Variants in MACF1 observed in about 807,000 individuals in gnomAD.
MACF1 encodes microtubule-actin cross-linking factor 1.
In MACF1, 193 loss-of-function variants were observed where a neutral mutation model predicts 854.8. The ratio of observed to expected loss-of-function variants is 0.23; its 90% CI spans 0.20 to 0.25. The LOEUF (loss-of-function observed/expected upper bound fraction) is 0.25, where lower values mean the gene tolerates loss of function less well. Ranked by LOEUF, MACF1 falls within the 10% of genes least tolerant of loss-of-function variation. MACF1 has a pLI of 1.00. For missense variants in MACF1, 7,722 were observed against 8,929.1 expected, an observed-to-expected ratio of 0.86 and a Z score of 5.45; for synonymous variants, 3,185 against 3,226.7, an observed-to-expected ratio of 0.99 and a Z score of 0.44.
intron 52 of MACF1, chr1:39,373,272 AACAG>A (rs1194215842): frequency 1.3e-5 from 2 of 151,426 alleles, no homozygotes; most frequent in Non-Finnish European, 2.9e-5. Flanking sequence ...CAACTTGGGC[AACAG>A]ACAGAGCGAG....
intron 3 of MACF1, among the ~76,000 whole-genome samples, chr1:39,251,116 A>G (rs1406027473): frequency 6.6e-6 from 1 of 152,080 alleles, no homozygotes; most frequent in Non-Finnish European, 1.5e-5. Context: ...AGTGATATTC[A>G]GCTCCTTCTA....
At chr1:39,359,387 C>A in intron 47 of MACF1, 123 bp downstream of exon 47, 1 of 1,077,156 alleles carries the variant, frequency 9.3e-7, no homozygotes, top group Non-Finnish European at 1.3e-6. Context: ...AGAATATAAA[C>A]ATGAATAGAC....
chr1:39,198,686 G>T (rs1032379216), intron 2 of MACF1, among the ~76,000 whole-genome samples: 3 of 151,196 alleles, frequency 2.0e-5, no homozygotes, highest in Admixed American at 1.3e-4. Flanking sequence ...TTAGCTGGGC[G>T]TGGTGGCACA....
intron 6 of MACF1, among the ~76,000 whole-genome samples, chr1:39,262,163 AG>A (rs1213146876): frequency 6.6e-6 from 1 of 152,136 alleles, no homozygotes; most frequent in African/African-American, 2.4e-5. Context: ...GCACTTCGGG[AG>A]GCCTAGGTGG....
intron 17 of MACF1, 81 bp downstream of exon 17, chr1:39,292,924 C>A: frequency 8.3e-7 from 1 of 1,209,464 alleles, no homozygotes; most frequent in Non-Finnish European, 1.2e-6. Context: ...ATTCAGAAAT[C>A]TCCTGGTTTG....
In MACF1 at chr1:39,163,364, A is replaced by C. The variant is rs921762598; in HGVS notation, c.221-67818A>C. 4.0e-5 allele frequency among the ~76,000 whole-genome samples: 6 copies of C among 150,084 alleles called. No homozygotes were observed. The East Asian group carries it at 1.2e-3, about 29-fold the overall frequency. ...TCAAAAAAAAAAAAAAAAAAAAGAA[A>C]AGAAAAGAAAAAAAGAAACTCCATA... is the stretch of plus-strand genomic sequence containing the variant. On this transcript the variant is annotated intron_variant, in intron 2 of 93. Coordinates refer to the MACF1 transcript ENST00000361689.
At chr1:39,434,708 T>G (rs547819596) in intron 69 of MACF1, 76 bp downstream of exon 69, 2 of 1,234,034 alleles carry the variant, frequency 1.6e-6, no homozygotes, top group African/African-American at 3.0e-5. Flanking sequence ...CATTTGTTAG[T>G]GTCTATAGGT....
intron 35 of MACF1, among the ~76,000 whole-genome samples, chr1:39,325,412 C>T (rs1313351961): frequency 2.0e-5 from 3 of 152,144 alleles, no homozygotes; most frequent in African/African-American, 4.8e-5. Context: ...GTGAGGAGCA[C>T]ATTGGAGGCA....
Position 39,429,932 on chromosome 1 carries a change from G to C in MACF1, c.16994G>C (p.Arg5665Pro), listed in dbSNP as rs1244227457. Residue 5665 changes from arginine (R) to proline (P), a missense_variant, in exon 65 of 101, where the codon CGG becomes CCG. Arg to Pro is a moderately radical substitution (Grantham distance 103). This residue lies in a region of MACF1 where 2,807 missense variants were observed against 3,235.8 expected (regional missense o/e 0.87). Transcript: ENST00000564288. Reference protein sequence around the residue: ...SKALRTLEQARQLATKFQSTY... With the variant: ...SKALRTLEQAPQLATKFQSTY... ...GCCCTCAGAACTTTAGAGCAAGCCC[G>C]GCAGCTGGCCACCAAGTTCCAGTCT... The C allele has an allele frequency of 6.2e-7, 1 of 1,613,958 alleles. No homozygotes were observed. Among genetic ancestry groups the C allele is most frequent in the Non-Finnish European group, 8.5e-7 (1 of 1,179,998 alleles).
chr1:39,429,415 C>A, intron 64 of MACF1, 89 bp downstream of exon 64: 1 of 753,860 alleles, frequency 1.3e-6, no homozygotes, highest in South Asian at 1.7e-5. Context: ...TTAGCCTCTT[C>A]TTTATGTATA....
chr1:39,297,539 A>T (rs1645949665), intron 20 of MACF1, 81 bp from the exon 21 acceptor site: 2 of 1,551,048 alleles, frequency 1.3e-6, no homozygotes, highest in South Asian at 1.1e-5. Context: ...AGCTCTGCAC[A>T]GTAAAATTGT....
At chr1:39,418,231 G>A (rs2148629144) in intron 58 of MACF1, among the ~76,000 whole-genome samples, 1 of 152,256 alleles carries the variant, frequency 6.6e-6, no homozygotes, top group African/African-American at 2.4e-5. Flanking sequence ...TTGATTTAAG[G>A]AAGAGGTAAG....
In MACF1 at chr1:39,370,087, G is replaced by T. The variant is rs770716646; in HGVS notation, c.12996G>T (p.Arg4332Ser). The part of the protein sequence containing the change: ...EQLDEFRKLV[R>S]TFQKWLKETE... ...TGGATGAATTCCGGAAGCTGGTCAG[G>T]ACCTTCCAGAAATGGTTGAAAGAAA... The change falls in exon 51 of 101, where the codon AGG (arginine) becomes AGT (serine). Residue 4332 changes from arginine (R) to serine (S), a missense_variant. By Grantham distance (110) the Arg-to-Ser change is moderately radical. Transcript: ENST00000564288. 6.2e-7 allele frequency: 1 copy of T among 1,614,110 alleles called. No homozygotes were observed. The highest frequency in any genetic ancestry group is 8.5e-7 in the Non-Finnish European group (1 of 1,179,982).
chr1:39,102,717 A>G (rs1246349201), intron 2 of MACF1: 1 of 700,690 alleles, frequency 1.4e-6, no homozygotes, highest in Admixed American at 2.0e-5. Flanking sequence ...CCTTCCGAGT[A>G]CATCCTTCTG....
At chr1:39,445,888 G>C (rs1481075723) in intron 80 of MACF1, among the ~76,000 whole-genome samples, 1 of 152,150 alleles carries the variant, frequency 6.6e-6, no homozygotes, top group Non-Finnish European at 1.5e-5. Flanking sequence ...TGAGCCTGGA[G>C]GGTTGAGGCT....
chr1:39,314,565 TCTCTCA>T (rs778577736), intron 26 of MACF1, among the ~76,000 whole-genome samples: 346 of 51,756 alleles, frequency 6.7e-3, no homozygotes, highest in South Asian at 0.033. Context: ...TCTCTCTCTC[TCTCTCA>T]CACACACACA....
rs1642203589 is a variant in MACF1, at chr1:39,105,423, CGCGAGCGGGCCGGGT to C, written c.220+20994_220+21008del. 5 of 987,810 alleles carry C rather than the reference CGCGAGCGGGCCGGGT, an allele frequency of 5.1e-6. No homozygotes were observed. Among genetic ancestry groups the C allele is most frequent in the East Asian group, 1.1e-4 (1 of 8,886 alleles). 61.2% of individuals were successfully genotyped at this position (987,810 alleles called of 1,614,324 possible). ...GAAACGCGAGCCGGGACCGGCGGAG[CGCGAGCGGGCCGGGT>C]GCGAGCGGACTGAGGAGCGGAGCGC... On this transcript the variant is annotated intron_variant, in intron 2 of 93. Transcript: ENST00000361689. The surrounding 1 kb of genome is among the most constrained non-coding windows in gnomAD (Gnocchi z 5.9).
chr1:39,476,341 C>T (rs189261982), intron 97 of MACF1, among the ~76,000 whole-genome samples: 3 of 152,152 alleles, frequency 2.0e-5, no homozygotes, highest in Admixed American at 2.0e-4. Flanking sequence ...GAGGCCGAGG[C>T]GGGCAGATCA....
chr1:39,477,919 C>G (rs1644939974), intron 97 of MACF1, among the ~76,000 whole-genome samples: 1 of 151,492 alleles, frequency 6.6e-6, no homozygotes, highest in African/African-American at 2.4e-5. Flanking sequence ...AATGTCACTT[C>G]CTTCAACTGC....
Sources: allele counts gnomAD v4.1 joint callset (sites outside exome capture counted in the v4.1 genomes callset), GRCh38; gene constraint gnomAD v4.1.1; regional missense constraint gnomAD v4.1.1; non-coding constraint Gnocchi (gnomAD v3.1); transcripts MANE v1.5; gene names NCBI Gene and HGNC (gene_info 2026-07-23, HGNC 2026-07-21).